ZCCHC8: variants seen among roughly 807,000 people sequenced by gnomAD.
ZCCHC8 encodes the protein zinc finger CCHC-type containing 8.
ZCCHC8 carries 27 observed loss-of-function variants against 70.6 expected under a neutral mutation model. The observed-to-expected ratio is 0.38, with a 90% confidence interval of 0.28 to 0.53. The LOEUF is 0.53. Among genes scored for constraint, ZCCHC8 ranks in the 20% least tolerant of loss-of-function variants. The pLI is 0.81. For synonymous variants in ZCCHC8, 293 were observed against 317.4 expected, an observed-to-expected ratio of 0.92 and a Z score of 0.82; for missense variants, 737 against 876.9, an observed-to-expected ratio of 0.84 and a Z score of 2.01.
At chr12:122,490,367 C>A in intron 4 of ZCCHC8, 95 bp downstream of exon 4, 1 of 961,398 alleles carries the variant, frequency 1.0e-6, no homozygotes, top group Non-Finnish European at 1.6e-6. Context: ...CGGTGTTAAT[C>A]ATTTTGGTTT....
At chr12:122,489,806 G>A (rs1240336622) in intron 4 of ZCCHC8, among the ~76,000 whole-genome samples, 1 of 151,986 alleles carries the variant, frequency 6.6e-6, no homozygotes, top group Non-Finnish European at 1.5e-5. Flanking sequence ...ATAATATTCA[G>A]TATGAATTTT....
At chr12:122,489,207 C>T (rs569232865) in intron 5 of ZCCHC8, among the ~76,000 whole-genome samples, 179 bp downstream of exon 5, 1 of 152,338 alleles carries the variant, frequency 6.6e-6, no homozygotes, top group South Asian at 2.1e-4. Flanking sequence ...CAGGTCACAA[C>T]GCAATCATTA....
intron 3 of ZCCHC8, among the ~76,000 whole-genome samples, chr12:122,492,395 T>C (rs554016090): frequency 2.0e-5 from 3 of 152,358 alleles, no homozygotes; most frequent in African/African-American, 7.2e-5. Flanking sequence ...AAGCTATTTA[T>C]TGAGCTCTTA....
Position 122,483,902 on chromosome 12 carries a change from A to AC in ZCCHC8, c.502-340_502-339insG, listed in dbSNP as rs1957585673. 1.9e-5 allele frequency: 4 copies of AC among 206,274 alleles called. No individual in the cohort carries two copies. The highest frequency in any genetic ancestry group is 3.9e-5 in the Non-Finnish European group (4 of 103,290). The allele number at this position is 206,274 out of a possible 1,614,324, so 12.8% of individuals were successfully genotyped here. On this transcript the variant is annotated intron_variant, in intron 5 of 13. Transcript: ENST00000633063. This position sits in a 1 kb window ranked among gnomAD's most constrained non-coding sequence, Gnocchi z 4.4. ...TGCAAGACATGCAGACCCTTTAGTT[A>AC]TTGTTTCCATTTCCTTTCTTCCCAT...
At chr12:122,482,734 A>G in intron 7 of ZCCHC8, 39 bp from the exon 8 acceptor site, 1 of 1,546,532 alleles carries the variant, frequency 6.5e-7, no homozygotes, top group Non-Finnish European at 8.8e-7. Flanking sequence ...TAATGTCAAT[A>G]AAAATAGAAA....
chr12:122,495,792 G>C (rs1957816668), intron 2 of ZCCHC8, among the ~76,000 whole-genome samples: 1 of 142,392 alleles, frequency 7.0e-6, no homozygotes. Context: ...AGGTTGCAGT[G>C]AGCCAAGATC....
chr12:122,487,639 T>C (rs1298193226), intron 5 of ZCCHC8, among the ~76,000 whole-genome samples: 1 of 152,232 alleles, frequency 6.6e-6, no homozygotes, highest in Non-Finnish European at 1.5e-5. Flanking sequence ...ATGTACCTTC[T>C]TGTACTCAAT....
At position 122,483,307 on chromosome 12, in the gene ZCCHC8, C is replaced by T. The variant is rs368028567; in HGVS notation, c.643G>A (p.Gly215Arg). ...QVFSHIVSLE[G>R]QEIQVKAKRP... is the part of the protein sequence containing the mutation. Reference sequence around the variant, plus strand: ...TTTGCCTTTACTTGTATTTCTTGCCCTTCTAGAGAAACAATGTGGCTGAAG... The same window carrying T: ...TTTGCCTTTACTTGTATTTCTTGCCTTTCTAGAGAAACAATGTGGCTGAAG... The change falls in exon 7 of 14, where the codon GGG (glycine) becomes AGG (arginine). Residue 215 changes from glycine to arginine, a missense_variant. Physicochemically the swap from Gly to Arg is moderately radical, Grantham distance 125. Coordinates refer to ENST00000633063, the MANE Select transcript of ZCCHC8 (RefSeq NM_017612.5). The surrounding 1 kb of genome is among the most constrained non-coding windows in gnomAD (Gnocchi z 4.4). The T allele has an allele frequency of 1.9e-6, 3 of 1,600,468 alleles. No homozygotes were observed. Among genetic ancestry groups the T allele is most frequent in the South Asian group, 2.3e-5 (2 of 88,446 alleles).
rs1957454765 is a variant in ZCCHC8, at chr12:122,478,072, G to A, written c.1228-114C>T. The stretch of plus-strand genomic sequence containing the variant: ...AATCTGGAGTTAAGTCTAGGTAATT[G>A]GTGAATTTTGCCACTGTTTTCCTTT... On this transcript the variant is annotated intron_variant, in intron 12 of 13. Coordinates refer to ENST00000633063, the MANE Select transcript of ZCCHC8 (RefSeq NM_017612.5). 5 of 1,192,344 alleles carry A rather than the reference G, an allele frequency of 4.2e-6. No homozygotes were observed. In the South Asian group the frequency reaches 5.2e-5, roughly 12 times the overall value. 73.9% of individuals were successfully genotyped at this position (1,192,344 alleles called of 1,614,324 possible).
In ZCCHC8 at chr12:122,473,980, T is replaced by A; in HGVS notation, c.1641A>T (p.Thr547=). Reference sequence around the variant, plus strand: ...AGGCAACGGAATTGCCAGTTAAAGGTGTGTCCACAGGAACGTCGGAGTCGC... The same window carrying A: ...AGGCAACGGAATTGCCAGTTAAAGGAGTGTCCACAGGAACGTCGGAGTCGC... ...VNSDSDVPVD[T]PLTGNSVASS... is the part of the protein sequence containing the mutation. The change falls in exon 14 of 14, where the codon ACA becomes ACT. Residue 547 remains threonine, a synonymous_variant. Coordinates refer to ENST00000633063, the MANE Select transcript of ZCCHC8 (RefSeq NM_017612.5). 1.9e-6 allele frequency: 3 copies of A among 1,598,782 alleles called. No individual in the cohort carries two copies. The highest frequency in any genetic ancestry group is 2.2e-5 in the South Asian group (2 of 88,932).
chr12:122,474,713 A>C (rs904943374), intron 13 of ZCCHC8, among the ~76,000 whole-genome samples: 1 of 147,410 alleles, frequency 6.8e-6, no homozygotes, highest in African/African-American at 2.5e-5. Flanking sequence ...GCAGGAGTAC[A>C]CCTTGGGTTA....
chr12:122,497,532 A>C (rs1259386691), intron 2 of ZCCHC8, among the ~76,000 whole-genome samples: 18 of 152,022 alleles, frequency 1.2e-4, no homozygotes, highest in Admixed American at 1.2e-3. Flanking sequence ...ACAGAGTAAC[A>C]CTCTGTCTCA....
chr12:122,495,327 C>G (rs1211008138), intron 2 of ZCCHC8, among the ~76,000 whole-genome samples: 1 of 151,244 alleles, frequency 6.6e-6, no homozygotes. Context: ...CCATCTCTGC[C>G]AAAAAATACA....
chr12:122,496,054 C>A (rs146526597), intron 2 of ZCCHC8, among the ~76,000 whole-genome samples: 2 of 151,768 alleles, frequency 1.3e-5, no homozygotes, highest in Middle Eastern at 3.4e-3. Flanking sequence ...GTGGTTCCAG[C>A]TACTCAGGAG....
At chr12:122,496,886 C>A (rs1360396013) in intron 2 of ZCCHC8, among the ~76,000 whole-genome samples, 1 of 152,166 alleles carries the variant, frequency 6.6e-6, no homozygotes, top group Non-Finnish European at 1.5e-5. Flanking sequence ...GTGGCTCCTG[C>A]CTGTAATCCC....
At chr12:122,485,867 C>T (rs1161287816) in intron 5 of ZCCHC8, among the ~76,000 whole-genome samples, 3 of 152,036 alleles carry the variant, frequency 2.0e-5, no homozygotes, top group African/African-American at 7.2e-5. Context: ...TACTGGCACT[C>T]GGGCCAAAAA....
At chr12:122,490,042 T>TA (rs1203336710) in intron 4 of ZCCHC8, among the ~76,000 whole-genome samples, 1 of 152,028 alleles carries the variant, frequency 6.6e-6, no homozygotes, top group Non-Finnish European at 1.5e-5. Context: ...CTCTTTTTTT[T>TA]AAAACATAAA....
In ZCCHC8 at chr12:122,480,216, T is replaced by C. The variant is rs1957504461; in HGVS notation, c.1114A>G (p.Ile372Val). Reference protein sequence around the residue: ...SKLVNYPGFNISTPRGIPDEW... With the variant: ...SKLVNYPGFNVSTPRGIPDEW... ...TCTGGAATTCCTCTGGGAGTAGATA[T>C]ATTAAAACCAGGATAGTTGACCAAT... The change falls in exon 11 of 14, where the codon ATA (isoleucine) becomes GTA (valine). Residue 372 changes from isoleucine to valine, a missense_variant. Coordinates refer to ENST00000633063, the MANE Select transcript of ZCCHC8 (RefSeq NM_017612.5). 1.3e-6 allele frequency: 2 copies of C among 1,593,672 alleles called. No individual in the cohort carries two copies. Among genetic ancestry groups the C allele is most frequent in the East Asian group, 2.2e-5 (1 of 44,634 alleles).
chr12:122,482,159 CT>C (rs147510568), intron 8 of ZCCHC8, 72 bp from the exon 9 acceptor site: 160 of 1,445,870 alleles, frequency 1.1e-4, no homozygotes, highest in South Asian at 3.0e-4. Context: ...AATAAAAATA[CT>C]TTTTTTTAGA....
Sources: gnomAD v4.1 joint callset for allele counts (sites outside exome capture counted in the v4.1 genomes callset) on GRCh38, gnomAD v4.1.1 for gene constraint, Gnocchi (gnomAD v3.1) non-coding constraint, MANE v1.5 for transcripts, NCBI Gene and HGNC (gene_info 2026-07-23, HGNC 2026-07-21) for gene names.